The following ANO2 variants were observed in gnomAD, a reference collection of about 807,000 sequenced individuals.
ANO2 encodes anoctamin 2, also known as anoctamin-2.
Under a neutral mutation model 124.2 loss-of-function variants are expected in ANO2, and 101 were observed. The observed-to-expected ratio is 0.81, with a 90% CI of 0.69 to 0.96. The LOEUF (loss-of-function observed/expected upper bound fraction) is 0.96, where lower values mean the gene tolerates loss of function less well. Among genes scored for constraint, ANO2 ranks in the 40% least tolerant of loss-of-function variants. The pLI is 0.00. For synonymous variants in ANO2, 486 were observed against 482.5 expected (o/e 1.01, Z -0.09); for missense variants, 1,293 against 1,274.5 (o/e 1.01, Z -0.22).
intron 1 of ANO2, among the ~76,000 whole-genome samples, chr12:5,931,547 GA>G (rs1384816748): frequency 7.0e-6 from 1 of 143,372 alleles, no homozygotes; most frequent in Non-Finnish European, 1.5e-5. Flanking sequence ...AGACTGGTAA[GA>G]AAGTGACTAA....
At chr12:5,828,857 A>C (rs903577719) in intron 6 of ANO2, among the ~76,000 whole-genome samples, 1 of 152,234 alleles carries the variant, frequency 6.6e-6, no homozygotes, top group Non-Finnish European at 1.5e-5. Context: ...CAAACAGCTG[A>C]GGTGCTCAGA....
chr12:5,871,297 T>G lies in ANO2; in HGVS notation c.535-17156A>C, dbSNP rs7485225. ...ATATTTATATTTTTTGAAGGTCAAA[T>G]AAAAGAATAATTTCTTAAAAACTGG... On this transcript the variant is annotated intron_variant, in intron 3 of 24. Transcript: ENST00000682330. Among the ~76,000 whole-genome samples the G allele has an allele frequency of 5.3e-3, 814 of 152,334 alleles. 4 individuals are homozygous for G. Among genetic ancestry groups the G allele is most frequent in the Middle Eastern group, 0.014 (4 of 294 alleles).
At chr12:5,773,269 C>G (rs1290177571) in intron 10 of ANO2, among the ~76,000 whole-genome samples, 1 of 152,182 alleles carries the variant, frequency 6.6e-6, no homozygotes, top group Non-Finnish European at 1.5e-5. Flanking sequence ...CCTCAATTAC[C>G]CATTTGAGCA....
intron 11 of ANO2, among the ~76,000 whole-genome samples, chr12:5,747,762 C>T (rs527633036): frequency 6.6e-6 from 1 of 152,206 alleles, no homozygotes. Context: ...TTATTGCATT[C>T]TAGCTTATCT....
chr12:5,846,957 A>G (rs1431855061), intron 4 of ANO2, among the ~76,000 whole-genome samples: 1 of 152,212 alleles, frequency 6.6e-6, no homozygotes, highest in Non-Finnish European at 1.5e-5. Flanking sequence ...AAAGAGGATT[A>G]TTGACTTGGA....
chr12:5,809,520 G>A (rs1007119629), intron 7 of ANO2, among the ~76,000 whole-genome samples: 6 of 151,710 alleles, frequency 4.0e-5, no homozygotes, highest in Non-Finnish European at 4.4e-5. Context: ...TGTTTTCACC[G>A]ACTTAGCTCA....
At chr12:5,595,142 G>A (rs1243570477) in intron 20 of ANO2, among the ~76,000 whole-genome samples, 1 of 152,166 alleles carries the variant, frequency 6.6e-6, no homozygotes, top group Non-Finnish European at 1.5e-5. Context: ...ATTAGCGCAT[G>A]CATGCATTCA....
chr12:5,565,664 C>T lies in ANO2; in HGVS notation c.2622-1G>A. On this transcript the variant is annotated splice_acceptor_variant, in intron 23 of 24. Coordinates refer to ENST00000682330, the MANE Select transcript of ANO2 (RefSeq NM_001364791.2). LOFTEE classifies it high-confidence loss of function. The stretch of plus-strand genomic sequence containing the variant: ...TGGCGGCTCTCGGTAATCCTTAAAC[C>T]TGCCCAAAGAGAAATGTGGTGTTAA... The T allele has an allele frequency of 6.3e-7, 1 of 1,586,416 alleles. No individual in the cohort carries two copies. Among genetic ancestry groups the T allele is most frequent in the Non-Finnish European group, 8.6e-7 (1 of 1,166,388 alleles).
intron 1 of ANO2, among the ~76,000 whole-genome samples, chr12:5,926,130 G>A (rs1404819475): frequency 6.6e-6 from 1 of 152,180 alleles, no homozygotes; most frequent in Non-Finnish European, 1.5e-5. Flanking sequence ...AACAGTCAAC[G>A]AGCTGGAAAT....
intron 10 of ANO2, among the ~76,000 whole-genome samples, chr12:5,771,763 G>C (rs2137121305): frequency 6.6e-6 from 1 of 152,194 alleles, no homozygotes; most frequent in Non-Finnish European, 1.5e-5. Context: ...GCAAGATTCT[G>C]TCTCAAAATA....
intron 3 of ANO2, among the ~76,000 whole-genome samples, chr12:5,916,361 T>TA (rs1423004055): frequency 4.0e-5 from 6 of 150,980 alleles, no homozygotes; most frequent in Non-Finnish European, 7.4e-5. Flanking sequence ...GAGAAAAAAG[T>TA]AAAAAACAGA....
chr12:5,670,343 C>T (rs1465346012), intron 14 of ANO2, among the ~76,000 whole-genome samples: 3 of 152,190 alleles, frequency 2.0e-5, no homozygotes, highest in African/African-American at 7.2e-5. Context: ...TTCCATGCCA[C>T]TGTTCCATGC....
At chr12:5,712,175 A>G (rs1311921740) in intron 14 of ANO2, among the ~76,000 whole-genome samples, 1 of 152,184 alleles carries the variant, frequency 6.6e-6, no homozygotes, top group Non-Finnish European at 1.5e-5. Flanking sequence ...AATTTCTCCT[A>G]AAAGGAATAT....
At chr12:5,589,333 G>T (rs541124712) in intron 20 of ANO2, among the ~76,000 whole-genome samples, 1 of 152,220 alleles carries the variant, frequency 6.6e-6, no homozygotes, top group South Asian at 2.1e-4. Context: ...GGAAGAAAAG[G>T]GGTGGCAGGA....
chr12:5,805,615 T>C (rs1404476205), intron 9 of ANO2, among the ~76,000 whole-genome samples: 1 of 152,194 alleles, frequency 6.6e-6, no homozygotes, highest in East Asian at 1.9e-4. Flanking sequence ...GATCATCACA[T>C]GTTTTAAGCA....
At chr12:5,921,440 G>A in intron 2 of ANO2, 74 bp from the exon 3 acceptor site, 1 of 1,439,686 alleles carries the variant, frequency 6.9e-7, no homozygotes, top group South Asian at 1.3e-5. Context: ...GCTGATCTAT[G>A]CTCTGGGCTC....
chr12:5,897,092 G>C (rs1939843077), intron 3 of ANO2, among the ~76,000 whole-genome samples: 1 of 151,992 alleles, frequency 6.6e-6, no homozygotes, highest in South Asian at 2.1e-4. Context: ...GCTTTGAAAA[G>C]TTTCAATATT....
chr12:5,614,652 C>G (rs1944707620), intron 17 of ANO2, among the ~76,000 whole-genome samples: 1 of 152,270 alleles, frequency 6.6e-6, no homozygotes, highest in South Asian at 2.1e-4. Context: ...TAGCACATTT[C>G]TGAGTTCTGT....
At chr12:5,774,992 C>T (rs539238975) in intron 10 of ANO2, among the ~76,000 whole-genome samples, 4 of 152,266 alleles carry the variant, frequency 2.6e-5, no homozygotes, top group East Asian at 3.9e-4. Flanking sequence ...TTTTTACATA[C>T]GTAGATGGTT....
Sources: allele counts gnomAD v4.1 joint callset (sites outside exome capture counted in the v4.1 genomes callset), GRCh38; gene constraint gnomAD v4.1.1; transcripts MANE v1.5; gene names NCBI Gene and HGNC (gene_info 2026-07-23, HGNC 2026-07-21).